CCDC171: variants seen among roughly 807,000 people sequenced by gnomAD.
The protein encoded by CCDC171 is coiled-coil domain-containing protein 171.
CCDC171 carries 177 observed loss-of-function variants against 168.2 expected under a neutral mutation model. That is an observed-to-expected ratio of 1.05 (90% CI 0.93 to 1.19). The LOEUF (loss-of-function observed/expected upper bound fraction) is 1.19. CCDC171 is among the 50% of genes most tolerant of loss of function. The pLI is 0.00. For synonymous variants in CCDC171, 687 were observed against 540.8 expected, an observed-to-expected ratio of 1.27 and a Z score of -3.75; for missense variants, 1,991 against 1,539.0, an observed-to-expected ratio of 1.29 and a Z score of -4.91.
intron 9 of CCDC171, among the ~76,000 whole-genome samples, chr9:15,674,196 G>A (rs1284099435): frequency 2.6e-5 from 4 of 151,954 alleles, no homozygotes; most frequent in African/African-American, 4.8e-5. Flanking sequence ...CTGTGGGATC[G>A]GTGGTGAGAT....
intron 11 of CCDC171, among the ~76,000 whole-genome samples, chr9:15,718,932 C>T (rs1195343963): frequency 1.3e-5 from 2 of 152,168 alleles, no homozygotes; most frequent in African/African-American, 2.4e-5. Flanking sequence ...CACTGAAGAA[C>T]ATCCGCAAGC....
At chr9:15,886,041 A>G (rs1256829182) in intron 24 of CCDC171, 2 of 152,176 alleles carry the variant, frequency 1.3e-5, no homozygotes, top group Admixed American at 1.3e-4. Flanking sequence ...TCAAAATCAC[A>G]GTTTTAAAAA....
At chr9:15,730,976 A>C (rs1010539218) in intron 16 of CCDC171, among the ~76,000 whole-genome samples, 6 of 152,096 alleles carry the variant, frequency 3.9e-5, no homozygotes, top group African/African-American at 1.4e-4. Context: ...TTTATGGGGT[A>C]CATGTGATAT....
intron 3 of CCDC171, among the ~76,000 whole-genome samples, chr9:15,572,767 A>T (rs1248410645): frequency 1.3e-5 from 2 of 152,178 alleles, no homozygotes; most frequent in Non-Finnish European, 2.9e-5. Flanking sequence ...TTTAGTTTGT[A>T]AACCCCCTGA....
chr9:15,836,687 G>A (rs184434629), intron 21 of CCDC171, among the ~76,000 whole-genome samples: 13 of 152,256 alleles, frequency 8.5e-5, no homozygotes, highest in Non-Finnish European at 1.3e-4. Flanking sequence ...GGACATTGCT[G>A]TCCTTTTCTC....
At chr9:16,092,962 A>G in the CCDC171 span, among the ~76,000 whole-genome samples, 1 of 152,200 alleles carries the variant, frequency 6.6e-6, no homozygotes, top group Non-Finnish European at 1.5e-5. Context: ...TCGTGCTGGC[A>G]GAGCACAAGG....
chr9:15,915,483 T>C (rs1486544575), intron 24 of CCDC171, among the ~76,000 whole-genome samples: 1 of 152,212 alleles, frequency 6.6e-6, no homozygotes, highest in African/African-American at 2.4e-5. Flanking sequence ...CCTGAAACTT[T>C]ACTGAATTTA....
intron 18 of CCDC171, among the ~76,000 whole-genome samples, chr9:15,748,411 C>T (rs1283945692): frequency 1.3e-5 from 2 of 152,116 alleles, no homozygotes; most frequent in Non-Finnish European, 2.9e-5. Context: ...AGGATATTAT[C>T]GAGGAGAACT....
At chr9:16,040,429 C>G (rs1319479169), upstream of CCDC171, among the ~76,000 whole-genome samples, 6 of 152,218 alleles carry the variant, frequency 3.9e-5, no homozygotes, top group Non-Finnish European at 8.8e-5. Context: ...TGGAGCTCAT[C>G]TCAGTGCCTG....
intron 3 of CCDC171, among the ~76,000 whole-genome samples, chr9:15,572,180 T>G (rs561099488): frequency 6.6e-6 from 1 of 152,278 alleles, no homozygotes; most frequent in South Asian, 2.1e-4. Context: ...TTATAAGTCA[T>G]TATTTCTTTT....
intron 8 of CCDC171, among the ~76,000 whole-genome samples, chr9:15,659,920 C>G (rs182618831): frequency 2.6e-5 from 4 of 152,306 alleles, no homozygotes; most frequent in Admixed American, 2.6e-4. Context: ...TTTTCTAAAA[C>G]TTAGATTTGA....
At chr9:15,638,161 G>C (rs1337402214) in intron 7 of CCDC171, among the ~76,000 whole-genome samples, 1 of 152,070 alleles carries the variant, frequency 6.6e-6, no homozygotes, top group African/African-American at 2.4e-5. Context: ...AGTCTAGATA[G>C]TCTTTATTTT....
intron 6 of CCDC171, among the ~76,000 whole-genome samples, chr9:15,609,288 T>C (rs1254397694): frequency 6.6e-6 from 1 of 152,062 alleles, no homozygotes; most frequent in African/African-American, 2.4e-5. Flanking sequence ...TTTTTATTTT[T>C]AGTAGAGACG....
chr9:15,773,792 G>A (rs1179188409), intron 18 of CCDC171, among the ~76,000 whole-genome samples: 1 of 151,634 alleles, frequency 6.6e-6, no homozygotes, highest in African/African-American at 2.4e-5. Flanking sequence ...AAATAGAGGG[G>A]GCATAATTAA....
intron 3 of CCDC171, among the ~76,000 whole-genome samples, chr9:16,015,516 G>A (rs1404173018): frequency 6.6e-6 from 1 of 152,130 alleles, no homozygotes; most frequent in Non-Finnish European, 1.5e-5. Context: ...GGTCTCCTCT[G>A]TATTTTCTGA....
At chr9:15,813,920 A>G (rs2059458682) in intron 21 of CCDC171, among the ~76,000 whole-genome samples, 1 of 152,176 alleles carries the variant, frequency 6.6e-6, no homozygotes, top group Non-Finnish European at 1.5e-5. Flanking sequence ...ATCACTTTGT[A>G]TTTGCATATA....
intron 6 of CCDC171, among the ~76,000 whole-genome samples, chr9:15,620,522 T>A (rs2044420580): frequency 6.6e-6 from 1 of 152,234 alleles, no homozygotes; most frequent in Admixed American, 6.5e-5. Context: ...CATGCATTCA[T>A]AAAACTTGAA....
rs77381321 is a variant in CCDC171, at chr9:15,729,861, T to C, written c.2049+63T>C. 370 of 1,413,824 alleles carry C rather than the reference T, an allele frequency of 2.6e-4. 3 individuals carry two copies. In the African/African-American group the frequency reaches 4.8e-3, roughly 18 times the overall value. The allele number at this position is 1,413,824 out of a possible 1,614,324, so 87.6% of individuals were successfully genotyped here. ...ACTCAGTGTAACCATTAGAAACTTT[T>C]TTTTTTTCAGTAGCAGTGCTAAATC... On this transcript the variant is annotated intron_variant, in intron 16 of 25. Transcript: ENST00000380701.
At chr9:15,574,020 T>G (rs919658855) in intron 3 of CCDC171, among the ~76,000 whole-genome samples, 1 of 152,228 alleles carries the variant, frequency 6.6e-6, no homozygotes, top group Non-Finnish European at 1.5e-5. Context: ...ATGTTCACAT[T>G]AAGGAGATAG....
Sources: allele counts gnomAD v4.1 joint callset (sites outside exome capture counted in the v4.1 genomes callset), GRCh38; gene constraint gnomAD v4.1.1; transcripts MANE v1.5; gene names NCBI Gene and HGNC (gene_info 2026-07-23, HGNC 2026-07-21).